NAP1L4: variants seen among roughly 807,000 people sequenced by gnomAD.
NAP1L4 encodes nucleosome assembly protein 1 like 4.
In NAP1L4, 15 loss-of-function variants were observed where a neutral mutation model predicts 58.2. The ratio of observed to expected loss-of-function variants is 0.26; its 90% CI spans 0.17 to 0.40. The LOEUF is 0.40. Among genes scored for constraint, NAP1L4 ranks in the 10% least tolerant of loss-of-function variants. The pLI is 1.00. For missense variants in NAP1L4, 384 were observed against 451.1 expected (o/e 0.85, Z 1.35); for synonymous variants, 171 against 155.6 (o/e 1.10, Z -0.74).
At chr11:2,973,529 T>C (rs1387156617) in intron 4 of NAP1L4, among the ~76,000 whole-genome samples, 1 of 152,052 alleles carries the variant, frequency 6.6e-6, no homozygotes. Context: ...CACACACACA[T>C]ATCACTGGTC....
intron 1 of NAP1L4, among the ~76,000 whole-genome samples, chr11:2,985,218 T>G (rs1288001786): frequency 6.6e-6 from 1 of 152,224 alleles, no homozygotes; most frequent in Non-Finnish European, 1.5e-5. Context: ...TTTTTGATTT[T>G]GGGATCAGGA....
intron 15 of NAP1L4, 88 bp from the exon 16 acceptor site, chr11:2,945,734 A>AT: frequency 9.0e-7 from 1 of 1,115,278 alleles, no homozygotes; most frequent in Non-Finnish European, 1.3e-6. Flanking sequence ...CCAAGACTGA[A>AT]TGAGTTCATT....
intron 4 of NAP1L4, among the ~76,000 whole-genome samples, chr11:2,973,676 G>T (rs1847777815): frequency 1.3e-5 from 2 of 152,096 alleles, no homozygotes; most frequent in South Asian, 4.1e-4. Flanking sequence ...TAGAACTACT[G>T]CTAGTAGTAG....
chr11:2,979,719 C>T (rs1210566550), intron 1 of NAP1L4, among the ~76,000 whole-genome samples: 5 of 151,612 alleles, frequency 3.3e-5, no homozygotes, highest in Non-Finnish European at 7.4e-5. Context: ...TTGCAGCGAG[C>T]GGAGATCATG....
chr11:2,967,140 A>G (rs999743820), intron 7 of NAP1L4, among the ~76,000 whole-genome samples: 4 of 152,218 alleles, frequency 2.6e-5, no homozygotes, highest in African/African-American at 4.8e-5. Flanking sequence ...ATAGTGGCGC[A>G]TATCTACAGT....
At position 2,979,093 on chromosome 11, in the gene NAP1L4, G is replaced by C. The variant is rs1197030010; in HGVS notation, c.14+114C>G. 2.7e-6 allele frequency: 3 copies of C among 1,096,120 alleles called. No homozygotes were observed. The Admixed American group carries it at 6.2e-5, about 23-fold the overall frequency. The allele number at this position is 1,096,120 out of a possible 1,614,324, so 67.9% of individuals were successfully genotyped here. ...TACATACACAAGAAATGAGCCATCA[G>C]CTAGACGCTGAAATGCATTTAACTT... On this transcript the variant is annotated intron_variant, in intron 2 of 15. Coordinates refer to ENST00000380542, the MANE Select transcript of NAP1L4 (RefSeq NM_005969.4).
intron 1 of NAP1L4, among the ~76,000 whole-genome samples, chr11:2,982,754 G>A (rs900671372): frequency 2.6e-5 from 4 of 152,192 alleles, no homozygotes; most frequent in African/African-American, 9.7e-5. Context: ...TGGGCCTGGG[G>A]GCTAACACCT....
chr11:2,964,802 A>C (rs752371732), intron 7 of NAP1L4, 51 bp from the exon 8 acceptor site: 10 of 1,352,118 alleles, frequency 7.4e-6, no homozygotes, highest in South Asian at 3.6e-5. Flanking sequence ...AAAACAACAC[A>C]TCTCTCCCGA....
At position 2,968,986 on chromosome 11, in the gene NAP1L4, T is replaced by C. The variant is rs921219159; in HGVS notation, c.534+817A>G. Among the ~76,000 whole-genome samples the C allele has an allele frequency of 3.8e-4, 41 of 108,242 alleles. No individual in the cohort carries two copies. In the Admixed American group the frequency reaches 4.3e-3, roughly 11 times the overall value. 71.0% of individuals were successfully genotyped at this position (108,242 alleles called of 152,430 possible). A position where few individuals can be genotyped will look rare whatever the true frequency, so the allele number is the denominator to read the frequency against. Reference sequence around the variant, plus strand: ...ATGGTGGTTGGGTTTTGTTGTTGTGTTGTTTTTTTTTTTTTTTTTTTTTGG... The same window carrying C: ...ATGGTGGTTGGGTTTTGTTGTTGTGCTGTTTTTTTTTTTTTTTTTTTTTGG... On this transcript the variant is annotated intron_variant, in intron 7 of 15. Transcript: ENST00000380542.
intron 14 of NAP1L4, among the ~76,000 whole-genome samples, chr11:2,950,159 C>A (rs1465059532): frequency 2.0e-5 from 3 of 152,264 alleles, no homozygotes; most frequent in Non-Finnish European, 4.4e-5. Flanking sequence ...TCTCCTACAG[C>A]CCTCACCGCC....
rs564597386 is a variant in NAP1L4 at position 2,970,007 on chromosome 11, C to T, written c.403-73G>A. Reference sequence around the variant, plus strand: ...AATGCAGCGGCTTCACGTAGAATATCGTTGCCGAATCCTCTACTATCTCCC... The same window carrying T: ...AATGCAGCGGCTTCACGTAGAATATTGTTGCCGAATCCTCTACTATCTCCC... On this transcript the variant is annotated intron_variant, in intron 6 of 15. Transcript: ENST00000380542. The T allele has an allele frequency of 6.8e-4, 996 of 1,471,048 alleles. 8 individuals carry two copies. Among genetic ancestry groups the T allele is most frequent in the Non-Finnish European group, 7.7e-4 (843 of 1,094,892 alleles). 91.1% of individuals were successfully genotyped at this position (1,471,048 alleles called of 1,614,324 possible). A position where few individuals can be genotyped will look rare whatever the true frequency, so the allele number is the denominator to read the frequency against.
chr11:2,948,971 T>G lies in NAP1L4; in HGVS notation c.*32+256A>C, dbSNP rs1016394607. ...GCCCTCTTACTGGAAAGCAGTACCA[T>G]CAGCAATGAAAATTACACCCAAGTT... On this transcript the variant is annotated intron_variant, in intron 15 of 15. Transcript: ENST00000380542. This position sits in a 1 kb window ranked among gnomAD's most constrained non-coding sequence, Gnocchi z 5.1. Among the ~76,000 whole-genome samples the G allele has an allele frequency of 6.6e-5, 10 of 152,192 alleles. No homozygotes were observed. Among genetic ancestry groups the G allele is most frequent in the Admixed American group, 6.5e-4 (10 of 15,288 alleles).
At chr11:2,989,355 T>C (rs1848822004) in intron 1 of NAP1L4, 1 of 152,208 alleles carries the variant, frequency 6.6e-6, no homozygotes, top group African/African-American at 2.4e-5. Context: ...CTTATTCAAA[T>C]ATAAACCATC....
chr11:2,977,972 G>C (rs931710974), intron 3 of NAP1L4, among the ~76,000 whole-genome samples: 2 of 151,668 alleles, frequency 1.3e-5, no homozygotes, highest in Non-Finnish European at 2.9e-5. Context: ...TCCAAGACCA[G>C]CCTGGGTAAC....
At chr11:2,961,597 A>G (rs1034130722) in intron 8 of NAP1L4, among the ~76,000 whole-genome samples, 3 of 152,166 alleles carry the variant, frequency 2.0e-5, no homozygotes, top group Non-Finnish European at 4.4e-5. Flanking sequence ...CTGTGACCAC[A>G]GTGTGGACAA....
In NAP1L4 at chr11:2,971,510, C is replaced by T. The variant is rs763389081; in HGVS notation, c.340G>A (p.Val114Ile). ...TCCGATTCCGCATCTGTTGGTTCAA[C>T]ATCGCCGGTGATAAATTCTCTTCTC... ...DKRREFITGD[V>I]EPTDAESEWH... The change falls in exon 6 of 16, where the codon GTT becomes ATT. Residue 114 changes from valine to isoleucine, a missense_variant. Physicochemically the swap from Val to Ile is conservative, Grantham distance 29. This residue lies in a region of NAP1L4 where 296 missense variants were observed against 360.8 expected (regional missense o/e 0.82). Coordinates refer to ENST00000380542, the MANE Select transcript of NAP1L4 (RefSeq NM_005969.4). The surrounding 1 kb of genome is among the most constrained non-coding windows in gnomAD (Gnocchi z 4.2). 2 of 1,613,820 alleles carry T rather than the reference C, an allele frequency of 1.2e-6. No homozygotes were observed. The highest frequency in any genetic ancestry group is 1.7e-6 in the Non-Finnish European group (2 of 1,180,008).
intron 8 of NAP1L4, chr11:2,960,114 T>C: frequency 1.8e-6 from 1 of 541,690 alleles, no homozygotes; most frequent in Non-Finnish European, 3.3e-6. Flanking sequence ...ATCTGTTCAG[T>C]TCATGAGTAA....
chr11:2,972,153 T>C lies in NAP1L4; in HGVS notation c.264A>G (p.Val88=). The change falls in exon 5 of 16, where the codon GTA becomes GTG. Residue 88 remains valine, a synonymous_variant. Coordinates refer to ENST00000380542, the MANE Select transcript of NAP1L4 (RefSeq NM_005969.4). Reference sequence around the variant, plus strand: ...CTGCATACTTTCTTTCCAAGTCATGTACCTCTTCATAGAACTTGGCTTCTA... The same window carrying C: ...CTGCATACTTTCTTTCCAAGTCATGCACCTCTTCATAGAACTTGGCTTCTA... The part of the protein sequence containing the change: ...AHIEAKFYEE[V]HDLERKYAAL... 1 of 1,606,592 alleles carries C rather than the reference T, an allele frequency of 6.2e-7. No homozygotes were observed.
intron 4 of NAP1L4, among the ~76,000 whole-genome samples, chr11:2,975,463 T>G (rs781511870): frequency 1.8e-4 from 28 of 152,124 alleles, no homozygotes; most frequent in Admixed American, 7.2e-4. Context: ...CCAGGCACGG[T>G]AGCTCACCCG....
Sources: allele counts gnomAD v4.1 joint callset (sites outside exome capture counted in the v4.1 genomes callset), GRCh38; gene constraint gnomAD v4.1.1; regional missense constraint gnomAD v4.1.1; non-coding constraint Gnocchi (gnomAD v3.1); transcripts MANE v1.5; gene names NCBI Gene and HGNC (gene_info 2026-07-23, HGNC 2026-07-21).